ABCA13: variants seen among roughly 807,000 people sequenced by gnomAD.
ABCA13 encodes the protein ATP-binding cassette sub-family A member 13.
A neutral mutation model predicts 478.7 loss-of-function variants in ABCA13; 476 were observed. The ratio of observed to expected loss-of-function variants is 0.99; its 90% CI spans 0.92 to 1.07. The LOEUF is 1.07. Ranked by LOEUF, ABCA13 falls within the 50% of genes least tolerant of loss-of-function variation. The pLI, the probability that ABCA13 is intolerant of heterozygous loss-of-function variation, is 0.00. For synonymous variants in ABCA13, 2,252 were observed against 2,158.9 expected, an observed-to-expected ratio of 1.04 and a Z score of -1.20; for missense variants, 6,060 against 5,910.6, an observed-to-expected ratio of 1.03 and a Z score of -0.83.
rs768463507 is a variant in ABCA13 at position 48,489,235 on chromosome 7, G to A, written c.13183-1G>A. The A allele has an allele frequency of 6.2e-7, 1 of 1,601,162 alleles. No homozygotes were observed. The highest frequency in any genetic ancestry group is 1.1e-5 in the South Asian group (1 of 89,534). ...CCATTAAATTATCTTTCTTTTTTTA[G>A]GTGTGGTATAATCAGAAGGGTTTTC... On this transcript the variant is annotated splice_acceptor_variant, in intron 47 of 61. Coordinates refer to ENST00000435803, the MANE Select transcript of ABCA13 (RefSeq NM_152701.5). LOFTEE classifies it high-confidence loss of function.
intron 42 of ABCA13, among the ~76,000 whole-genome samples, chr7:48,443,365 G>A (rs1238989935): frequency 6.6e-6 from 1 of 152,184 alleles, no homozygotes; most frequent in African/African-American, 2.4e-5. Context: ...GGCTTTCTGT[G>A]TGTTCATGCC....
intron 5 of ABCA13, among the ~76,000 whole-genome samples, chr7:48,223,102 CTA>C (rs1426699486): frequency 2.6e-5 from 4 of 151,994 alleles, no homozygotes; most frequent in African/African-American, 4.8e-5. Context: ...AAAGATGACT[CTA>C]TGTGGTTTGA....
rs200746000 is a variant in ABCA13, at chr7:48,216,164, C to G, written c.288-3190C>G. Among the ~76,000 whole-genome samples the G allele has an allele frequency of 5.9e-5, 9 of 152,210 alleles. No homozygotes were observed. In the East Asian group the frequency reaches 1.7e-3, roughly 29 times the overall value. On this transcript the variant is annotated intron_variant, in intron 3 of 61. Coordinates refer to ENST00000435803, the MANE Select transcript of ABCA13 (RefSeq NM_152701.5). ...CTCTACGTCTAACATTTTGAGAAAC[C>G]GTCAGATTGTTTTTCAACGTGGCTC...
At chr7:48,359,753 C>G (rs1810526125) in intron 31 of ABCA13, among the ~76,000 whole-genome samples, 1 of 151,986 alleles carries the variant, frequency 6.6e-6, no homozygotes, top group Non-Finnish European at 1.5e-5. Flanking sequence ...AAAAAACAGA[C>G]AACAACAGCA....
At chr7:48,544,460 G>T (rs893405936) in intron 55 of ABCA13, among the ~76,000 whole-genome samples, 1 of 151,674 alleles carries the variant, frequency 6.6e-6, no homozygotes, top group Admixed American at 6.6e-5. Flanking sequence ...ATGATGAGAC[G>T]CTGAAGGTTA....
At chr7:48,594,047 T>G (rs1251028872) in intron 57 of ABCA13, among the ~76,000 whole-genome samples, 1 of 152,100 alleles carries the variant, frequency 6.6e-6, no homozygotes, top group Admixed American at 6.5e-5. Context: ...GTTGAAGCTA[T>G]TTGGGAACTT....
At chr7:48,475,466 T>A (rs1036617990) in intron 45 of ABCA13, among the ~76,000 whole-genome samples, 3 of 141,568 alleles carry the variant, frequency 2.1e-5, no homozygotes, top group Admixed American at 1.4e-4. Context: ...TAATTTTTTT[T>A]TTTTTTTTTT....
At chr7:48,504,175 G>A (rs1563362861) in intron 48 of ABCA13, among the ~76,000 whole-genome samples, 1 of 152,210 alleles carries the variant, frequency 6.6e-6, no homozygotes. Context: ...CAGCCATAGA[G>A]TTTGGGGAAA....
At chr7:48,464,167 A>C (rs1224963455) in intron 43 of ABCA13, among the ~76,000 whole-genome samples, 1 of 152,256 alleles carries the variant, frequency 6.6e-6, no homozygotes, top group Non-Finnish European at 1.5e-5. Context: ...TCTAACATAG[A>C]GATTTACTTT....
Position 48,471,587 on chromosome 7 carries a change from A to C in ABCA13, c.12963A>C (p.Ser4321=), listed in dbSNP as rs760235400. 6 of 1,563,728 alleles carry C rather than the reference A, an allele frequency of 3.8e-6. No homozygotes were observed. The highest frequency in any genetic ancestry group is 1.2e-5 in the South Asian group (1 of 84,830). ...TTTCTCACCCAGAATTCCAGGATTC[A>C]TGTGGCTGCCTGGTAGGTTTCTGCA... ...DPFSHPEFQD[S]CGCLKCPNRS... The change falls in exon 45 of 62, where the codon TCA becomes TCC. Residue 4321 remains serine, a synonymous_variant. Transcript: ENST00000435803.
In ABCA13 at chr7:48,273,577, C is replaced by A; in HGVS notation, c.3911C>A (p.Ser1304Ter). ...TSEYIVRNLD[S>*]INDFLSNNLT... ...GAATATATAGTCAGAAATCTAGATT[C>A]AATAAATGACTTTCTTTCAAATAAT... The change falls in exon 17 of 62, where the codon TCA becomes TAA. Residue 1304 changes from serine (S) to a stop codon, truncating the protein, a stop_gained. Coordinates refer to ENST00000435803, the MANE Select transcript of ABCA13 (RefSeq NM_152701.5). LOFTEE classifies it high-confidence loss of function. 1 of 1,584,686 alleles carries A rather than the reference C, an allele frequency of 6.3e-7. No homozygotes were observed. Among genetic ancestry groups the A allele is most frequent in the Non-Finnish European group, 8.6e-7 (1 of 1,163,510 alleles).
chr7:48,184,977 A>G (rs191245439), intron 1 of ABCA13, among the ~76,000 whole-genome samples: 10 of 152,256 alleles, frequency 6.6e-5, no homozygotes, highest in African/African-American at 2.4e-4. Context: ...CTGGGACTAT[A>G]AGGGCACACC....
intron 55 of ABCA13, among the ~76,000 whole-genome samples, chr7:48,558,336 A>C (rs1786084484): frequency 6.8e-6 from 1 of 147,282 alleles, no homozygotes; most frequent in African/African-American, 2.5e-5. Flanking sequence ...TCACCCTGTC[A>C]CCCAGGTTGG....
At chr7:48,367,252 CT>C (rs1397677509) in intron 31 of ABCA13, among the ~76,000 whole-genome samples, 1 of 152,078 alleles carries the variant, frequency 6.6e-6, no homozygotes, top group East Asian at 1.9e-4. Flanking sequence ...CTGGATAATT[CT>C]CATTGGATTT....
chr7:48,287,677 AC>A (rs1584644925), intron 19 of ABCA13, among the ~76,000 whole-genome samples: 2 of 152,328 alleles, frequency 1.3e-5, no homozygotes, highest in East Asian at 3.9e-4. Context: ...GTGAATGGGT[AC>A]CCCACTTGTA....
At chr7:48,570,491 A>G (rs1787524885) in intron 55 of ABCA13, among the ~76,000 whole-genome samples, 2 of 151,452 alleles carry the variant, frequency 1.3e-5, no homozygotes, top group Non-Finnish European at 2.9e-5. Context: ...CGCCTGGCCA[A>G]TTTTTTGTTT....
At chr7:48,202,421 A>T (rs1282238146) in intron 3 of ABCA13, among the ~76,000 whole-genome samples, 1 of 152,174 alleles carries the variant, frequency 6.6e-6, no homozygotes, top group Non-Finnish European at 1.5e-5. Context: ...TGGTGCACTC[A>T]CAAACCCTGA....
intron 15 of ABCA13, among the ~76,000 whole-genome samples, chr7:48,263,411 A>G (rs1051814999): frequency 6.6e-6 from 1 of 151,966 alleles, no homozygotes; most frequent in Non-Finnish European, 1.5e-5. Flanking sequence ...TTTATGATGC[A>G]GATAAAGCAT....
chr7:48,254,329 C>T (rs1378931787), intron 15 of ABCA13, among the ~76,000 whole-genome samples: 1 of 152,020 alleles, frequency 6.6e-6, no homozygotes, highest in African/African-American at 2.4e-5. Context: ...AGTGGTACAA[C>T]CATAGCTCAC....
Sources: allele counts gnomAD v4.1 joint callset (sites outside exome capture counted in the v4.1 genomes callset), GRCh38; gene constraint gnomAD v4.1.1; transcripts MANE v1.5; gene names NCBI Gene and HGNC (gene_info 2026-07-23, HGNC 2026-07-21).